Variants in TRIM34 observed in about 807,000 individuals in gnomAD.
TRIM34 encodes E3 ubiquitin-protein ligase TRIM34.
In TRIM34, 41 loss-of-function variants were observed where a neutral mutation model predicts 38.1. The observed-to-expected ratio is 1.08, with a 90% CI of 0.84 to 1.40. The LOEUF (loss-of-function observed/expected upper bound fraction) is 1.40. Ranked by LOEUF, TRIM34 falls within the 40% of genes most tolerant of loss-of-function variation. The pLI, the probability that TRIM34 is intolerant of heterozygous loss-of-function variation, is 0.00. For missense variants in TRIM34, 556 were observed against 571.4 expected (o/e 0.97, Z 0.27); for synonymous variants, 200 against 202.5 (o/e 0.99, Z 0.10).
At chr11:5,638,235 TAAAG>T (rs1359907055) in intron 4 of TRIM34, among the ~76,000 whole-genome samples, 1 of 152,128 alleles carries the variant, frequency 6.6e-6, no homozygotes, top group African/African-American at 2.4e-5. Context: ...ATAATTCAAA[TAAAG>T]AGATTCAAGT....
At chr11:5,643,007 A>G in intron 7 of TRIM34, 137 bp from the exon 8 acceptor site, 1 of 1,319,056 alleles carries the variant, frequency 7.6e-7, no homozygotes, top group South Asian at 1.6e-5. Context: ...CATCAGTGCA[A>G]GTTTTTCAGT....
chr11:5,632,175 C>T (rs566233550), intron 1 of TRIM34, 80 bp from the exon 2 acceptor site: 232 of 1,504,834 alleles, frequency 1.5e-4, no homozygotes, highest in Admixed American at 3.7e-4. Flanking sequence ...ATTGCAGTCT[C>T]GGCCAGTCTT....
At chr11:5,639,679 CAA>C (rs58134807) in intron 4 of TRIM34, among the ~76,000 whole-genome samples, 109 of 51,130 alleles carry the variant, frequency 2.1e-3, no homozygotes, top group African/African-American at 8.5e-3. Context: ...GACTCTATTT[CAA>C]AAAAAAAAAA....
chr11:5,620,238 C>T (rs1204042557), upstream of TRIM34, among the ~76,000 whole-genome samples: 2 of 120,290 alleles, frequency 1.7e-5, no homozygotes, highest in Admixed American at 1.1e-4. Flanking sequence ...AGTGCGGCGG[C>T]GGGATCTCGG....
At chr11:5,632,972 G>A (rs1285631865) in intron 2 of TRIM34, among the ~76,000 whole-genome samples, 7 of 147,250 alleles carry the variant, frequency 4.8e-5, no homozygotes, top group Non-Finnish European at 7.5e-5. Context: ...GATTACAGGC[G>A]CCTGCCACCG....
In TRIM34 at chr11:5,643,694, C is replaced by A. The variant is rs534766410; in HGVS notation, c.1452C>A (p.Cys484Ter). ...PWNCPAPMTL[C>*]PPSS ...ACTGTCCAGCTCCCATGACTCTATG[C>A]CCACCAAGCTCTTGAATTTTCTCAT... The change falls in exon 8 of 8, where the codon TGC (cysteine) becomes TGA (stop). Residue 484 changes from cysteine (C) to a stop codon, truncating the protein, a stop_gained. Coordinates refer to ENST00000429814, the MANE Select transcript of TRIM34 (RefSeq NM_021616.6). LOFTEE classifies it high-confidence loss of function. The A allele has an allele frequency of 1.9e-6, 3 of 1,588,040 alleles. No individual in the cohort carries two copies. The highest frequency in any genetic ancestry group is 1.9e-5 in the Admixed American group (1 of 53,740).
intron 3 of TRIM34, among the ~76,000 whole-genome samples, chr11:5,634,304 G>A (rs1042329003): frequency 5.9e-5 from 9 of 151,774 alleles, no homozygotes; most frequent in Non-Finnish European, 1.2e-4. Flanking sequence ...TTTATATTTT[G>A]TCTCAGGGTT....
intron 1 of TRIM34, among the ~76,000 whole-genome samples, chr11:5,631,069 T>C (rs1849462492): frequency 6.6e-6 from 1 of 152,192 alleles, no homozygotes; most frequent in Middle Eastern, 3.2e-3. Flanking sequence ...CCTTGCTATT[T>C]CTATTCCTCG....
chr11:5,643,689 C>T lies in TRIM34; in HGVS notation c.1447C>T (p.Leu483=). 6.3e-7 allele frequency: 1 copy of T among 1,596,052 alleles called. No individual in the cohort carries two copies. The highest frequency in any genetic ancestry group is 8.5e-7 in the Non-Finnish European group (1 of 1,173,446). Residue 483 remains leucine, a synonymous_variant, in exon 8 of 8, where the codon CTA becomes TTA. Transcript: ENST00000429814. ...TTGGAACTGTCCAGCTCCCATGACTCTATGCCCACCAAGCTCTTGAATTTT... is the reference window on the plus strand; with the variant it reads ...TTGGAACTGTCCAGCTCCCATGACTTTATGCCCACCAAGCTCTTGAATTTT... ...NPWNCPAPMT[L]CPPSS
Position 5,643,542 on chromosome 11 carries a change from G to T in TRIM34, c.1300G>T (p.Gly434Trp). 1 of 1,614,130 alleles carries T rather than the reference G, an allele frequency of 6.2e-7. No individual in the cohort carries two copies. The highest frequency in any genetic ancestry group is 8.5e-7 in the Non-Finnish European group (1 of 1,180,030). ...CATGGCTGTGCCTCCCTGCCGTGTT[G>T]GGGTTTTCCTCGACTATGAAGCAGG... Reference protein sequence around the residue: ...LSMAVPPCRVGVFLDYEAGIV... With the variant: ...LSMAVPPCRVWVFLDYEAGIV... Residue 434 changes from glycine (G) to tryptophan (W), a missense_variant, in exon 8 of 8, where the codon GGG becomes TGG. By Grantham distance (184) the Gly-to-Trp change is radical. Transcript: ENST00000429814.
intron 4 of TRIM34, among the ~76,000 whole-genome samples, chr11:5,635,469 T>G (rs1849697064): frequency 6.6e-6 from 1 of 151,982 alleles, no homozygotes; most frequent in Non-Finnish European, 1.5e-5. Flanking sequence ...TGCTAGCCAG[T>G]ATGGTATTAA....
In TRIM34 at chr11:5,643,685, G is replaced by T; in HGVS notation, c.1443G>T (p.Met481Ile). The T allele has an allele frequency of 6.2e-7, 1 of 1,604,892 alleles. No homozygotes were observed. The highest frequency in any genetic ancestry group is 8.5e-7 in the Non-Finnish European group (1 of 1,176,632). ...ATCCTTGGAACTGTCCAGCTCCCATGACTCTATGCCCACCAAGCTCTTGAA... is the reference window on the plus strand; with the variant it reads ...ATCCTTGGAACTGTCCAGCTCCCATTACTCTATGCCCACCAAGCTCTTGAA... The part of the protein sequence containing the change: ...YFNPWNCPAP[M>I]TLCPPSS The change falls in exon 8 of 8, where the codon ATG (methionine) becomes ATT (isoleucine). Residue 481 changes from methionine to isoleucine, a missense_variant. Physicochemically the swap from Met to Ile is conservative, Grantham distance 10. Transcript: ENST00000429814.
intron 4 of TRIM34, among the ~76,000 whole-genome samples, chr11:5,637,903 T>C (rs545571314): frequency 1.3e-5 from 2 of 152,348 alleles, no homozygotes; most frequent in South Asian, 2.1e-4. Flanking sequence ...TTGGGCTACA[T>C]GGTACTCATT....
chr11:5,637,994 C>T (rs976614448), intron 4 of TRIM34, among the ~76,000 whole-genome samples: 5 of 152,214 alleles, frequency 3.3e-5, no homozygotes, highest in African/African-American at 1.2e-4. Flanking sequence ...ACTAGCATGT[C>T]TATTTCCATC....
chr11:5,630,697 G>A (rs1455035594), intron 1 of TRIM34, among the ~76,000 whole-genome samples: 3 of 152,090 alleles, frequency 2.0e-5, no homozygotes, highest in African/African-American at 7.2e-5. Context: ...ATCTTGGATA[G>A]TTCTCTATTT....
At chr11:5,642,893 A>G (rs766679817) in intron 7 of TRIM34, 50 bp downstream of exon 7, 1 of 1,610,244 alleles carries the variant, frequency 6.2e-7, no homozygotes, top group Admixed American at 1.7e-5. Flanking sequence ...ACCTTTCAGA[A>G]GTTTATGGTT....
At chr11:5,620,892 C>A (rs1005855525), upstream of TRIM34, among the ~76,000 whole-genome samples, 5 of 152,200 alleles carry the variant, frequency 3.3e-5, no homozygotes, top group African/African-American at 1.2e-4. Flanking sequence ...GGTAGAGTCC[C>A]TGTGTCTTTT....
rs1206053252 is a variant in TRIM34, at chr11:5,634,528, C to CAT, written c.520-102_520-101insTA. ...ACACACACACACACACACACACACA[C>CAT]ACATATATATATATATATATTTCCC... On this transcript the variant is annotated intron_variant, in intron 3 of 7. Transcript: ENST00000429814. 205 of 537,034 alleles carry CAT rather than the reference C, an allele frequency of 3.8e-4. 1 individual carries two copies. Among genetic ancestry groups the CAT allele is most frequent in the African/African-American group, 3.4e-3 (141 of 41,188 alleles). 33.3% of individuals were successfully genotyped at this position (537,034 alleles called of 1,614,324 possible).
chr11:5,639,426 A>C (rs1014068344), intron 4 of TRIM34, among the ~76,000 whole-genome samples: 3 of 152,172 alleles, frequency 2.0e-5, no homozygotes, highest in African/African-American at 7.2e-5. Flanking sequence ...CACACCTGTA[A>C]TCCCAGCACT....
Sources: allele counts gnomAD v4.1 joint callset (sites outside exome capture counted in the v4.1 genomes callset), GRCh38; gene constraint gnomAD v4.1.1; transcripts MANE v1.5; gene names NCBI Gene and HGNC (gene_info 2026-07-23, HGNC 2026-07-21).